The following ZCCHC7 variants were observed in gnomAD, a reference collection of about 807,000 sequenced individuals.
The protein encoded by ZCCHC7 is zinc finger CCHC domain-containing protein 7.
Under a neutral mutation model 52.0 loss-of-function variants are expected in ZCCHC7, and 35 were observed. The observed-to-expected ratio is 0.67, with a 90% CI of 0.51 to 0.89. ZCCHC7 has a LOEUF of 0.89. ZCCHC7 is among the 40% of genes least tolerant of loss of function. ZCCHC7 has a pLI of 0.00. For synonymous variants in ZCCHC7, 217 were observed against 221.5 expected, an observed-to-expected ratio of 0.98 and a Z score of 0.18; for missense variants, 574 against 649.1, an observed-to-expected ratio of 0.88 and a Z score of 1.26.
intron 2 of ZCCHC7, among the ~76,000 whole-genome samples, chr9:37,231,759 C>T (rs886350107): frequency 6.6e-6 from 1 of 152,152 alleles, no homozygotes; most frequent in South Asian, 2.1e-4. Context: ...CACATTTCAC[C>T]TACCCCAAGG....
intron 6 of ZCCHC7, among the ~76,000 whole-genome samples, chr9:37,342,389 A>G (rs1820695760): frequency 6.6e-6 from 1 of 152,228 alleles, no homozygotes; most frequent in Admixed American, 6.5e-5. Context: ...ACATTCTAGT[A>G]GAGATACGTG....
intron 2 of ZCCHC7, among the ~76,000 whole-genome samples, chr9:37,279,590 G>A (rs968001744): frequency 1.3e-5 from 2 of 151,992 alleles, no homozygotes; most frequent in South Asian, 2.1e-4. Context: ...CAGGTCCAGT[G>A]GCTTATGCCT....
At position 37,171,354 on chromosome 9, in the gene ZCCHC7, G is replaced by A. The variant is rs530434170; in HGVS notation, c.610+44412G>A. Among the ~76,000 whole-genome samples, 349 of 152,272 alleles carry A rather than the reference G, an allele frequency of 2.3e-3. 2 individuals are homozygous for A. The highest frequency in any genetic ancestry group is 8.2e-3 in the African/African-American group (342 of 41,554). On this transcript the variant is annotated intron_variant, in intron 2 of 8. Coordinates refer to ENST00000336755, the MANE Select transcript of ZCCHC7 (RefSeq NM_032226.3). ...AGTTGTTAGCTTGTTTGTGAGTGCT[G>A]TTTTCATGTTCTGTCAGTTTCATTA...
At chr9:37,316,383 C>A (rs1282073643) in intron 5 of ZCCHC7, among the ~76,000 whole-genome samples, 2 of 140,732 alleles carry the variant, frequency 1.4e-5, no homozygotes, top group South Asian at 2.3e-4. Context: ...TTATAAGAAT[C>A]TGGCACAATG....
chr9:37,190,195 T>C (rs185227752), intron 2 of ZCCHC7, among the ~76,000 whole-genome samples: 3 of 152,180 alleles, frequency 2.0e-5, no homozygotes, highest in Non-Finnish European at 4.4e-5. Context: ...CCTCAGAGTT[T>C]TAGACTTCTG....
chr9:37,151,542 C>T (rs995967025), intron 2 of ZCCHC7, among the ~76,000 whole-genome samples: 4 of 152,066 alleles, frequency 2.6e-5, no homozygotes, highest in African/African-American at 7.2e-5. Context: ...TGGTGGCTCA[C>T]GCCTGTAATT....
intron 2 of ZCCHC7, among the ~76,000 whole-genome samples, chr9:37,291,363 TAA>T (rs528495673): frequency 2.1e-5 from 3 of 145,058 alleles, no homozygotes; most frequent in Non-Finnish European, 3.1e-5. Context: ...TATTTCTGTG[TAA>T]AAAAAAAAAG....
At chr9:37,152,663 G>C (rs1820595523) in intron 2 of ZCCHC7, among the ~76,000 whole-genome samples, 1 of 152,130 alleles carries the variant, frequency 6.6e-6, no homozygotes, top group African/African-American at 2.4e-5. Context: ...GGTTTTGGGA[G>C]GAAGACAGAA....
chr9:37,268,486 G>T (rs1318825902), intron 2 of ZCCHC7, among the ~76,000 whole-genome samples: 1 of 151,394 alleles, frequency 6.6e-6, no homozygotes, highest in Non-Finnish European at 1.5e-5. Flanking sequence ...GAGTGCAGTG[G>T]CGCGATCTGG....
At chr9:37,287,066 T>G (rs959166337) in intron 2 of ZCCHC7, among the ~76,000 whole-genome samples, 1 of 116,364 alleles carries the variant, frequency 8.6e-6, no homozygotes, top group Non-Finnish European at 1.8e-5. Context: ...GCCTCTCTCT[T>G]TCATCCAGGC....
At position 37,272,924 on chromosome 9, in the gene ZCCHC7, A is replaced by G. The variant is rs561989533; in HGVS notation, c.611-29264A>G. On this transcript the variant is annotated intron_variant, in intron 2 of 8. Coordinates refer to ENST00000336755, the MANE Select transcript of ZCCHC7 (RefSeq NM_032226.3). ...TGTATTCGTTCTCTTACTGATGGAC[A>G]TTTAAATTTTTGGAAGTTTTTTGCA... 2.6e-5 allele frequency among the ~76,000 whole-genome samples: 4 copies of G among 152,270 alleles called. No individual in the cohort carries two copies. In the South Asian group the frequency reaches 8.3e-4, roughly 31 times the overall value.
intron 2 of ZCCHC7, among the ~76,000 whole-genome samples, chr9:37,208,169 C>T (rs979917330): frequency 2.6e-5 from 4 of 152,100 alleles, no homozygotes; most frequent in Non-Finnish European, 2.9e-5. Context: ...CACACATCCT[C>T]GACCTCCTGG....
chr9:37,195,189 C>T (rs796318829), intron 2 of ZCCHC7, among the ~76,000 whole-genome samples: 7 of 151,890 alleles, frequency 4.6e-5, no homozygotes, highest in Middle Eastern at 3.2e-3. Context: ...TCAGGAGATC[C>T]GCCCACCTCA....
intron 5 of ZCCHC7, among the ~76,000 whole-genome samples, chr9:37,321,734 C>T (rs1830061594): frequency 6.6e-6 from 1 of 152,052 alleles, no homozygotes; most frequent in African/African-American, 2.4e-5. Context: ...CCACTGCATT[C>T]TAGCCTGGGC....
chr9:37,227,096 A>T (rs1825151546), intron 2 of ZCCHC7, among the ~76,000 whole-genome samples: 1 of 152,160 alleles, frequency 6.6e-6, no homozygotes, highest in Non-Finnish European at 1.5e-5. Context: ...TTGATACAAA[A>T]GGCACAAGCT....
intron 2 of ZCCHC7, among the ~76,000 whole-genome samples, chr9:37,180,576 A>G (rs1822298383): frequency 6.6e-6 from 1 of 152,114 alleles, no homozygotes; most frequent in Non-Finnish European, 1.5e-5. Flanking sequence ...TGAACATGCC[A>G]CTTATTTATA....
At chr9:37,165,084 CTGAG>C (rs1821346819) in intron 2 of ZCCHC7, among the ~76,000 whole-genome samples, 2 of 152,128 alleles carry the variant, frequency 1.3e-5, no homozygotes, top group African/African-American at 2.4e-5. Context: ...AAATTTATCC[CTGAG>C]TGTTTTATAT....
rs370786550 is a variant in ZCCHC7, at chr9:37,189,689, A to AT, written c.610+62758dup. Among the ~76,000 whole-genome samples the AT allele has an allele frequency of 7.1e-4, 105 of 148,356 alleles. No individual in the cohort carries two copies. The East Asian group carries it at 0.011, about 15-fold the overall frequency. On this transcript the variant is annotated intron_variant, in intron 2 of 8. Transcript: ENST00000336755. ...AGGCATGAGCCACCACGCCCAGCTGATTTTTTTTTTTAATAGGCAATTTGG... is the reference window on the plus strand; with the variant it reads ...AGGCATGAGCCACCACGCCCAGCTGATTTTTTTTTTTTAATAGGCAATTTGG...
In ZCCHC7 at chr9:37,230,625, CA is replaced by C. The variant is rs1588518629; in HGVS notation, c.611-71561del. Among the ~76,000 whole-genome samples the C allele has an allele frequency of 3.3e-5, 5 of 152,066 alleles. No homozygotes were observed. In the East Asian group the frequency reaches 9.6e-4, roughly 29 times the overall value. ...TAAAATATATTTTGAATTTTCTACT[CA>C]ATATTTTTTCTCTCCATTGGAATAT... On this transcript the variant is annotated intron_variant, in intron 2 of 8. Transcript: ENST00000336755.
Sources: gnomAD v4.1 joint callset for allele counts (sites outside exome capture counted in the v4.1 genomes callset) on GRCh38, gnomAD v4.1.1 for gene constraint, MANE v1.5 for transcripts, NCBI Gene and HGNC (gene_info 2026-07-23, HGNC 2026-07-21) for gene names.